Variants in ARMC3 observed in about 807,000 individuals in gnomAD.
ARMC3 encodes the protein armadillo repeat containing 3, also known as armadillo repeat-containing protein 3.
A neutral mutation model predicts 90.3 loss-of-function variants in ARMC3; 74 were observed. The observed-to-expected ratio is 0.82, with a 90% confidence interval of 0.68 to 0.99. ARMC3 has a LOEUF of 0.99. Among genes scored for constraint, ARMC3 ranks in the 50% least tolerant of loss-of-function variants. ARMC3 has a pLI of 0.00. For synonymous variants in ARMC3, 334 were observed against 361.8 expected, an observed-to-expected ratio of 0.92 and a Z score of 0.87; for missense variants, 958 against 1,042.8, an observed-to-expected ratio of 0.92 and a Z score of 1.12.
Position 22,954,985 on chromosome 10 carries a change from TAGAGTTCC to T in ARMC3, c.167-820_167-813del, listed in dbSNP as rs533538414. ...GAGAACCAAAGCTGATGTAAAGTCC[TAGAGTTCC>T]AAGGCCTGAGAATAGGAGCTCTGAT... On this transcript the variant is annotated intron_variant, in intron 3 of 18. Coordinates refer to ENST00000298032, the MANE Select transcript of ARMC3 (RefSeq NM_173081.5). 7.2e-5 allele frequency among the ~76,000 whole-genome samples: 11 copies of T among 152,232 alleles called. No homozygotes were observed. The South Asian group carries it at 1.7e-3, about 23-fold the overall frequency.
At chr10:22,961,113 T>A (rs1835172488) in intron 6 of ARMC3, 1 of 152,202 alleles carries the variant, frequency 6.6e-6, no homozygotes, top group African/African-American at 2.4e-5. Context: ...CAAAAAGCAA[T>A]CTACAATTGT....
At chr10:23,019,640 A>G (rs1173696011) in intron 16 of ARMC3, among the ~76,000 whole-genome samples, 3 of 151,978 alleles carry the variant, frequency 2.0e-5, no homozygotes, top group Non-Finnish European at 2.9e-5. Context: ...ACTCACTGCA[A>G]CTTCAACCTC....
At chr10:22,974,470 A>T (rs545368386) in intron 8 of ARMC3, among the ~76,000 whole-genome samples, 4 of 152,146 alleles carry the variant, frequency 2.6e-5, no homozygotes, top group Non-Finnish European at 5.9e-5. Context: ...TATGCTGTTC[A>T]TTTCTTTGTA....
intron 16 of ARMC3, among the ~76,000 whole-genome samples, chr10:23,016,797 C>T (rs999925451): frequency 6.6e-6 from 1 of 152,188 alleles, no homozygotes; most frequent in African/African-American, 2.4e-5. Context: ...GATATTTTCT[C>T]CTTCATGCCA....
At chr10:23,028,704 T>C (rs1429426911) in intron 16 of ARMC3, among the ~76,000 whole-genome samples, 1 of 152,204 alleles carries the variant, frequency 6.6e-6, no homozygotes, top group East Asian at 1.9e-4. Flanking sequence ...GCAGTGCTAT[T>C]TGGATTGGTT....
At chr10:23,003,668 A>G (rs1418820375) in intron 13 of ARMC3, among the ~76,000 whole-genome samples, 1 of 152,188 alleles carries the variant, frequency 6.6e-6, no homozygotes, top group Non-Finnish European at 1.5e-5. Flanking sequence ...TAAGATACAA[A>G]AGAAGAGCTG....
intron 18 of ARMC3, among the ~76,000 whole-genome samples, chr10:23,034,882 C>T (rs1455851996): frequency 6.6e-6 from 1 of 152,146 alleles, no homozygotes; most frequent in Non-Finnish European, 1.5e-5. Context: ...CTAAAATCTA[C>T]AGATTATTTC....
At chr10:22,979,465 T>A (rs1463066879) in intron 8 of ARMC3, among the ~76,000 whole-genome samples, 9 of 152,200 alleles carry the variant, frequency 5.9e-5, no homozygotes, top group African/African-American at 1.7e-4. Context: ...AAATTATTTT[T>A]AAAAATCTTT....
chr10:23,013,873 T>C (rs1838144425), intron 16 of ARMC3, among the ~76,000 whole-genome samples: 1 of 152,082 alleles, frequency 6.6e-6, no homozygotes, highest in South Asian at 2.1e-4. Context: ...TTTATCTTTA[T>C]ATCCGTAGAG....
In ARMC3 at chr10:22,998,206, G is replaced by A; in HGVS notation, c.1234G>A (p.Asp412Asn). ...PLINLLSSKRDGAIANAATVL... is the reference protein window; with the variant it reads ...PLINLLSSKRNGAIANAATVL... Reference sequence around the variant, plus strand: ...AATAAACCTCCTGTCTAGTAAACGAGATGGAGCCATTGCCAACGCTGCTAC... The same window carrying A: ...AATAAACCTCCTGTCTAGTAAACGAAATGGAGCCATTGCCAACGCTGCTAC... The change falls in exon 11 of 19, where the codon GAT (aspartate) becomes AAT (asparagine). Residue 412 changes from aspartate (D) to asparagine (N), a missense_variant. Coordinates refer to ENST00000298032, the MANE Select transcript of ARMC3 (RefSeq NM_173081.5). 1.9e-6 allele frequency: 3 copies of A among 1,613,802 alleles called. No individual in the cohort carries two copies. Among genetic ancestry groups the A allele is most frequent in the Non-Finnish European group, 2.5e-6 (3 of 1,179,846 alleles).
chr10:23,028,245 T>C (rs1226565123), intron 16 of ARMC3, among the ~76,000 whole-genome samples: 2 of 152,264 alleles, frequency 1.3e-5, no homozygotes, highest in African/African-American at 4.8e-5. Flanking sequence ...GTTCCTCTTT[T>C]ATCTTCATTA....
At chr10:22,992,138 A>G (rs1380360525) in intron 10 of ARMC3, among the ~76,000 whole-genome samples, 2 of 152,218 alleles carry the variant, frequency 1.3e-5, no homozygotes, top group African/African-American at 4.8e-5. Flanking sequence ...GTGATTGAAC[A>G]GATAGGTCAA....
Position 22,998,411 on chromosome 10 carries a change from T to C in ARMC3, c.1425+14T>C. ...GCCCGGACTGAGGTGAGAATTTTAA[T>C]AACATGTGTTCTCTCATTTTTCTGG... On this transcript the variant is annotated intron_variant, in intron 11 of 18. Transcript: ENST00000298032. The C allele has an allele frequency of 2.5e-6, 4 of 1,613,136 alleles. No individual in the cohort carries two copies. Among genetic ancestry groups the C allele is most frequent in the African/African-American group, 1.3e-5 (1 of 75,036 alleles).
In ARMC3 at chr10:22,946,278, G is replaced by C; in HGVS notation, c.166+17G>C. On this transcript the variant is annotated intron_variant, in intron 3 of 18. Coordinates refer to ENST00000298032, the MANE Select transcript of ARMC3 (RefSeq NM_173081.5). ...CTTTAAAAGGTTTGGATTTTTTTCA[G>C]TTTATCTTTCTGTTTCATTAATTTC... is the stretch of plus-strand genomic sequence containing the variant. 6.6e-7 allele frequency: 1 copy of C among 1,509,958 alleles called. No homozygotes were observed. Among genetic ancestry groups the C allele is most frequent in the Non-Finnish European group, 9.1e-7 (1 of 1,093,044 alleles). The allele number at this position is 1,509,958 out of a possible 1,614,324, so 93.5% of individuals were successfully genotyped here.
At chr10:22,978,911 G>A (rs747259674) in intron 8 of ARMC3, among the ~76,000 whole-genome samples, 4 of 152,118 alleles carry the variant, frequency 2.6e-5, no homozygotes, top group South Asian at 2.1e-4. Context: ...AAACACAGTC[G>A]AAACGTCCAA....
intron 10 of ARMC3, 104 bp downstream of exon 10, chr10:22,981,804 T>C (rs1305831042): frequency 1.0e-6 from 1 of 980,720 alleles, no homozygotes; most frequent in African/African-American, 1.6e-5. Flanking sequence ...ATGAATTTCT[T>C]CAGATGGTCT....
At chr10:22,985,918 T>TA in intron 10 of ARMC3, among the ~76,000 whole-genome samples, 1 of 152,164 alleles carries the variant, frequency 6.6e-6, no homozygotes, top group East Asian at 1.9e-4. Flanking sequence ...ACATCTCTGT[T>TA]ACAATGTCAC....
chr10:23,006,630 A>G (rs1310754850), intron 13 of ARMC3: 3 of 401,462 alleles, frequency 7.5e-6, no homozygotes, highest in African/African-American at 6.2e-5. Context: ...GGCCAAGATG[A>G]TAATGATGGG....
intron 3 of ARMC3, among the ~76,000 whole-genome samples, chr10:22,947,477 G>C (rs993543449): frequency 1.3e-5 from 2 of 152,084 alleles, no homozygotes; most frequent in African/African-American, 2.4e-5. Flanking sequence ...TTTAAAATCA[G>C]ACAAATCCCG....
Sources: allele counts gnomAD v4.1 joint callset (sites outside exome capture counted in the v4.1 genomes callset), GRCh38; gene constraint gnomAD v4.1.1; transcripts MANE v1.5; gene names NCBI Gene and HGNC (gene_info 2026-07-23, HGNC 2026-07-21).